The following PTPRN2 variants were observed in gnomAD, a reference collection of about 807,000 sequenced individuals.
PTPRN2 encodes protein tyrosine phosphatase receptor type N2.
PTPRN2 carries 74 observed loss-of-function variants against 118.8 expected under a neutral mutation model. The ratio of observed to expected loss-of-function variants is 0.62; its 90% CI spans 0.52 to 0.76. The LOEUF is 0.76. Among genes scored for constraint, PTPRN2 ranks in the 30% least tolerant of loss-of-function variants. The pLI is 0.00. For synonymous variants in PTPRN2, 641 were observed against 608.0 expected (o/e 1.05, Z -0.80); for missense variants, 1,481 against 1,394.4 (o/e 1.06, Z -0.99).
chr7:157,921,813 T>A (rs573900401), intron 11 of PTPRN2, among the ~76,000 whole-genome samples: 1 of 152,332 alleles, frequency 6.6e-6, no homozygotes, highest in Non-Finnish European at 1.5e-5. Flanking sequence ...TCAGGAATTT[T>A]ATTATAGCAA....
intron 6 of PTPRN2, among the ~76,000 whole-genome samples, chr7:158,142,334 C>T (rs1819466648): frequency 6.6e-6 from 1 of 152,216 alleles, no homozygotes; most frequent in South Asian, 2.1e-4. Flanking sequence ...GCAGTCCTGT[C>T]CCTGACGACC....
chr7:157,798,987 C>A (rs891971720), intron 12 of PTPRN2, among the ~76,000 whole-genome samples: 4 of 152,216 alleles, frequency 2.6e-5, no homozygotes, highest in Non-Finnish European at 4.4e-5. Context: ...TTCAATACCA[C>A]CCCTGTGACT....
chr7:157,733,561 C>G (rs1800091375), intron 12 of PTPRN2, among the ~76,000 whole-genome samples: 1 of 22,818 alleles, frequency 4.4e-5, no homozygotes, highest in Non-Finnish European at 8.4e-5. Context: ...TACTCTTTGC[C>G]GTCCCATGCG....
chr7:157,657,279 A>AT, intron 13 of PTPRN2, among the ~76,000 whole-genome samples: 1 of 108,166 alleles, frequency 9.2e-6, no homozygotes, highest in Non-Finnish European at 1.9e-5. Context: ...CACCACACAC[A>AT]CACCACACAC....
chr7:157,670,253 G>A (rs576075222), intron 13 of PTPRN2, among the ~76,000 whole-genome samples: 6 of 152,258 alleles, frequency 3.9e-5, no homozygotes, highest in Middle Eastern at 3.4e-3. Flanking sequence ...ACGGGCTCAC[G>A]GGACCCGCGG....
intron 2 of PTPRN2, among the ~76,000 whole-genome samples, chr7:158,328,370 T>C (rs1803825079): frequency 6.6e-6 from 1 of 152,194 alleles, no homozygotes; most frequent in Admixed American, 6.5e-5. Flanking sequence ...TAATGAAACC[T>C]GAAGATAAGC....
rs1805399352 is a variant in PTPRN2 at position 158,003,210 on chromosome 7, C to T, written c.1723+78088G>A. 1.3e-5 allele frequency among the ~76,000 whole-genome samples: 2 copies of T among 151,870 alleles called. No homozygotes were observed. The highest frequency in any genetic ancestry group is 1.3e-4 in the Admixed American group (2 of 15,246). ...CGGGCGGATCACGAGGTCAGGAGAT[C>T]GAGACCATCTTGGCTAACACGGTGA... On this transcript the variant is annotated intron_variant, in intron 11 of 22. Coordinates refer to ENST00000389418, the MANE Select transcript of PTPRN2 (RefSeq NM_002847.5). This position sits in a 1 kb window ranked among gnomAD's most constrained non-coding sequence, Gnocchi z 5.0.
intron 1 of PTPRN2, among the ~76,000 whole-genome samples, chr7:158,545,745 T>C (rs1056331847): frequency 3.9e-5 from 6 of 152,288 alleles, no homozygotes; most frequent in Middle Eastern, 6.8e-3. Context: ...ACACCTGTAA[T>C]CCCAGCATTT....
chr7:158,437,562 G>C (rs1386506886), intron 2 of PTPRN2, among the ~76,000 whole-genome samples: 1 of 152,028 alleles, frequency 6.6e-6, no homozygotes, highest in Non-Finnish European at 1.5e-5. Flanking sequence ...TAACTCAAGG[G>C]AGGCCTGAGA....
chr7:158,408,036 T>A (rs1813739718), intron 2 of PTPRN2, among the ~76,000 whole-genome samples: 1 of 152,208 alleles, frequency 6.6e-6, no homozygotes, highest in Non-Finnish European at 1.5e-5. Flanking sequence ...CTCTTCATCT[T>A]CAGAAGTTGA....
intron 12 of PTPRN2, among the ~76,000 whole-genome samples, chr7:157,703,635 C>T (rs1798187881): frequency 6.6e-6 from 1 of 152,196 alleles, no homozygotes; most frequent in Non-Finnish European, 1.5e-5. Flanking sequence ...AGAACTTCTT[C>T]TCAGCCAGGC....
Position 157,794,279 on chromosome 7 carries a change from C to T in PTPRN2, c.1788+104394G>A. ...ACCTCCCCTCGTTCTCTGCTCCGAC[C>T]CGGGCTCACACCTCCCCTCGTTCTC... On this transcript the variant is annotated intron_variant, in intron 12 of 22. Transcript: ENST00000389418. The surrounding 1 kb of genome is among the most constrained non-coding windows in gnomAD (Gnocchi z 5.2). 6.6e-6 allele frequency among the ~76,000 whole-genome samples: 1 copy of T among 151,684 alleles called. No individual in the cohort carries two copies. Among genetic ancestry groups the T allele is most frequent in the South Asian group, 2.1e-4 (1 of 4,680 alleles).
rs181352807 is a variant in PTPRN2, at chr7:157,964,780, A to G, written c.1724-66043T>C. Among the ~76,000 whole-genome samples the G allele has an allele frequency of 1.3e-5, 2 of 152,070 alleles. No individual in the cohort carries two copies. Among genetic ancestry groups the G allele is most frequent in the Admixed American group, 1.3e-4 (2 of 15,262 alleles). On this transcript the variant is annotated intron_variant, in intron 11 of 22. Transcript: ENST00000389418. This position sits in a 1 kb window ranked among gnomAD's most constrained non-coding sequence, Gnocchi z 9.0. ...CTTCCCACTTGAAGGTTGGTGTGAA[A>G]CCCCACCCCACTCAACCCTGGCTGA...
At chr7:157,735,895 T>C (rs1460605026) in intron 12 of PTPRN2, among the ~76,000 whole-genome samples, 1 of 152,198 alleles carries the variant, frequency 6.6e-6, no homozygotes, top group Non-Finnish European at 1.5e-5. Context: ...GATCGGCACA[T>C]GCCTCAAGCC....
intron 5 of PTPRN2, among the ~76,000 whole-genome samples, chr7:158,178,685 A>C (rs10240553): frequency 0.89 from 132,281 of 149,280 alleles, 58,840 homozygotes; most frequent in African/African-American, 0.97. Flanking sequence ...GCAACCTCCA[A>C]CTCCCAAGTT....
chr7:158,586,756 GGGGGGGTGCGGGGGACGCA>G (rs1828947375), intron 1 of PTPRN2, among the ~76,000 whole-genome samples: 1 of 152,006 alleles, frequency 6.6e-6, no homozygotes, highest in Admixed American at 6.6e-5. Flanking sequence ...CGCTGCCCGC[GGGGGGGTGCGGGGGACGCA>G]GGTAGAAGCG....
intron 2 of PTPRN2, among the ~76,000 whole-genome samples, chr7:158,441,013 TAGTCGTGGTGGTGGTGAC>T (rs1817024093): frequency 6.8e-6 from 1 of 146,716 alleles, no homozygotes; most frequent in Non-Finnish European, 1.5e-5. Flanking sequence ...GGGGTGGTGG[TAGTCGTGGTGGTGGTGAC>T]AGTGGTAGTA....
chr7:158,224,719 T>A (rs1385450348), intron 3 of PTPRN2, among the ~76,000 whole-genome samples: 1 of 152,168 alleles, frequency 6.6e-6, no homozygotes, highest in Non-Finnish European at 1.5e-5. Flanking sequence ...AAAGAAAAAT[T>A]GACAAATTGG....
At chr7:158,059,354 C>T (rs1810110116) in intron 11 of PTPRN2, among the ~76,000 whole-genome samples, 1 of 133,476 alleles carries the variant, frequency 7.5e-6, no homozygotes, top group Non-Finnish European at 1.5e-5. Flanking sequence ...ACTCCATCTG[C>T]ACACGGTGAC....
Sources: allele counts gnomAD v4.1 joint callset (sites outside exome capture counted in the v4.1 genomes callset), GRCh38; gene constraint gnomAD v4.1.1; non-coding constraint Gnocchi (gnomAD v3.1); transcripts MANE v1.5; gene names NCBI Gene and HGNC (gene_info 2026-07-23, HGNC 2026-07-21).